MTSS1: variants seen among roughly 807,000 people sequenced by gnomAD.
MTSS1 encodes the protein MTSS I-BAR domain containing 1.
MTSS1 carries 18 observed loss-of-function variants against 79.0 expected under a neutral mutation model. The ratio of observed to expected loss-of-function variants is 0.23; its 90% CI spans 0.16 to 0.34. The LOEUF is 0.34. Among genes scored for constraint, MTSS1 ranks in the 10% least tolerant of loss-of-function variants. The pLI is 1.00. For missense variants in MTSS1, 815 were observed against 986.2 expected (o/e 0.83, Z 2.33); for synonymous variants, 341 against 368.6 (o/e 0.93, Z 0.86).
At chr8:124,580,649 G>T (rs953561759) in intron 6 of MTSS1, 65 of 1,453,340 alleles carry the variant, frequency 4.5e-5, no homozygotes, top group Middle Eastern at 1.7e-4. Context: ...TATTCAAGCA[G>T]CAGCAGTCTT....
intron 3 of MTSS1, among the ~76,000 whole-genome samples, chr8:124,609,376 T>C (rs138135547): frequency 3.9e-5 from 6 of 152,318 alleles, no homozygotes; most frequent in Non-Finnish European, 7.4e-5. Context: ...TGACAACGTC[T>C]CAGGGCAAAG....
chr8:124,700,095 C>T (rs1359278931), intron 2 of MTSS1, among the ~76,000 whole-genome samples: 2 of 151,128 alleles, frequency 1.3e-5, no homozygotes, highest in Non-Finnish European at 2.9e-5. Context: ...GCCAAGATCG[C>T]ACCACTGCAC....
chr8:124,701,376 A>AGCCAAACT (rs1232199458), intron 2 of MTSS1, among the ~76,000 whole-genome samples: 1 of 152,256 alleles, frequency 6.6e-6, no homozygotes, highest in Non-Finnish European at 1.5e-5. Flanking sequence ...AGTCCCTTAC[A>AGCCAAACT]GCCAAACTTC....
intron 10 of MTSS1, among the ~76,000 whole-genome samples, chr8:124,560,982 A>C (rs1380415664): frequency 6.6e-6 from 1 of 152,166 alleles, no homozygotes; most frequent in Non-Finnish European, 1.5e-5. Context: ...AATAAAGGGG[A>C]GGTTACTGCC....
chr8:124,564,522 A>G (rs1041079411), intron 9 of MTSS1, among the ~76,000 whole-genome samples: 1 of 152,176 alleles, frequency 6.6e-6, no homozygotes, highest in African/African-American at 2.4e-5. Context: ...GGGGACCGAC[A>G]GTAAAGCTCA....
intron 6 of MTSS1, among the ~76,000 whole-genome samples, chr8:124,579,295 C>T (rs560793673): frequency 6.6e-6 from 1 of 152,222 alleles, no homozygotes; most frequent in South Asian, 2.1e-4. Context: ...ATAAAATGTC[C>T]AGAATAGGCA....
At chr8:124,635,169 C>A (rs755083085) in intron 3 of MTSS1, among the ~76,000 whole-genome samples, 1 of 152,260 alleles carries the variant, frequency 6.6e-6, no homozygotes, top group Non-Finnish European at 1.5e-5. Context: ...GCTCTTTCTT[C>A]CTATAAGTAA....
intron 1 of MTSS1, among the ~76,000 whole-genome samples, chr8:124,720,076 G>C (rs981830024): frequency 6.6e-6 from 1 of 152,196 alleles, no homozygotes; most frequent in Non-Finnish European, 1.5e-5. Context: ...TAGGGTTATC[G>C]AGCTTTGAGG....
At chr8:124,664,472 G>A (rs1326317496) in intron 3 of MTSS1, among the ~76,000 whole-genome samples, 1 of 151,180 alleles carries the variant, frequency 6.6e-6, no homozygotes, top group Non-Finnish European at 1.5e-5. Context: ...ATCGTTGGGA[G>A]TATGTAGACC....
At chr8:124,618,218 A>C (rs537759823) in intron 3 of MTSS1, among the ~76,000 whole-genome samples, 2 of 152,098 alleles carry the variant, frequency 1.3e-5, no homozygotes, top group South Asian at 4.2e-4. Context: ...TTATAACCTA[A>C]ATCTCTTAGG....
chr8:124,710,082 G>A (rs931393790), intron 1 of MTSS1, among the ~76,000 whole-genome samples: 5 of 152,222 alleles, frequency 3.3e-5, no homozygotes, highest in Non-Finnish European at 7.3e-5. Flanking sequence ...AGGAGGCAGG[G>A]AACACTGACC....
intron 3 of MTSS1, among the ~76,000 whole-genome samples, chr8:124,676,213 G>GT (rs1205221262): frequency 2.0e-5 from 3 of 152,196 alleles, no homozygotes; most frequent in Admixed American, 6.5e-5. Flanking sequence ...CTCAGAATGT[G>GT]TAACAGGACT....
At chr8:124,691,015 C>G (rs117977678) in intron 3 of MTSS1, among the ~76,000 whole-genome samples, 1 of 152,086 alleles carries the variant, frequency 6.6e-6, no homozygotes, top group African/African-American at 2.4e-5. Context: ...AAAGCACACC[C>G]CAAACAATGA....
intron 3 of MTSS1, among the ~76,000 whole-genome samples, chr8:124,695,126 T>C (rs1205974357): frequency 6.6e-6 from 1 of 152,232 alleles, no homozygotes; most frequent in Non-Finnish European, 1.5e-5. Flanking sequence ...TTCAAAGTTT[T>C]TCCTAAGTAA....
intron 1 of MTSS1, among the ~76,000 whole-genome samples, chr8:124,726,341 C>G (rs1833695505): frequency 6.6e-6 from 1 of 152,222 alleles, no homozygotes; most frequent in African/African-American, 2.4e-5. Flanking sequence ...GATGTGATCA[C>G]TCCAGGACTA....
chr8:124,701,330 G>C (rs1168795466), intron 2 of MTSS1, among the ~76,000 whole-genome samples: 1 of 152,184 alleles, frequency 6.6e-6, no homozygotes, highest in Admixed American at 6.6e-5. Context: ...GTTCCTGCAA[G>C]GTGCTGGAAG....
intron 7 of MTSS1, chr8:124,568,099 T>A: frequency 1.4e-6 from 1 of 731,294 alleles, no homozygotes; most frequent in Middle Eastern, 4.0e-4. Context: ...AGTTCCCACG[T>A]GATGCTGCTG....
intron 9 of MTSS1, chr8:124,564,687 T>TACACACACACACACACA (rs1554639346): frequency 1.9e-4 from 9 of 47,352 alleles, no homozygotes; most frequent in Non-Finnish European, 3.4e-4. Flanking sequence ...GGTCTCTCTT[T>TACACACACACACACACA]CACTCACACA....
intron 3 of MTSS1, among the ~76,000 whole-genome samples, chr8:124,637,127 A>G (rs1817155095): frequency 6.6e-6 from 1 of 152,196 alleles, no homozygotes; most frequent in African/African-American, 2.4e-5. Context: ...CCTGCCTAAG[A>G]CCACAAAAGA....
Sources: gnomAD v4.1 joint callset for allele counts (sites outside exome capture counted in the v4.1 genomes callset) on GRCh38, gnomAD v4.1.1 for gene constraint, MANE v1.5 for transcripts, NCBI Gene and HGNC (gene_info 2026-07-23, HGNC 2026-07-21) for gene names.